The following ARHGAP28 variants were observed in gnomAD, a reference collection of about 807,000 sequenced individuals.
ARHGAP28 encodes the protein Rho GTPase activating protein 28.
Under a neutral mutation model 90.7 loss-of-function variants are expected in ARHGAP28, and 56 were observed. The observed-to-expected ratio is 0.62, with a 90% CI of 0.50 to 0.77. The LOEUF is 0.77. Ranked by LOEUF, ARHGAP28 falls within the 30% of genes least tolerant of loss-of-function variation. The pLI is 0.00. For synonymous variants in ARHGAP28, 308 were observed against 323.3 expected (o/e 0.95, Z 0.51); for missense variants, 869 against 900.9 (o/e 0.96, Z 0.45).
Position 6,899,773 on chromosome 18 carries a change from G to T in ARHGAP28, c.2030+3147G>T, listed in dbSNP as rs547757874. On this transcript the variant is annotated intron_variant, in intron 16 of 17. Coordinates refer to ENST00000383472, the MANE Select transcript of ARHGAP28 (RefSeq NM_001366230.1). ...CACAAATGTCAGTAAGGCCCTGAGG[G>T]AGCTGAGCCTCTTCCCCCAACCACA... 2.0e-5 allele frequency among the ~76,000 whole-genome samples: 3 copies of T among 152,242 alleles called. No individual in the cohort carries two copies. In the South Asian group the frequency reaches 6.2e-4, roughly 32 times the overall value.
chr18:6,875,357 A>G (rs1338066260), intron 9 of ARHGAP28, among the ~76,000 whole-genome samples: 1 of 152,170 alleles, frequency 6.6e-6, no homozygotes, highest in African/African-American at 2.4e-5. Context: ...CTCCATACCT[A>G]GAAGAATTAC....
At chr18:6,827,583 GTGGGGGGCTGACCCCCACCTCCCTC>G (rs2056679438) in intron 2 of ARHGAP28, among the ~76,000 whole-genome samples, 1 of 147,440 alleles carries the variant, frequency 6.8e-6, no homozygotes, top group Non-Finnish European at 1.5e-5. Context: ...GACTGGCTGG[GTGGGGGGCTGACCCCCACCTCCCTC>G]CGAGACGGGG....
At chr18:6,749,436 A>G (rs1277696115) in intron 1 of ARHGAP28, among the ~76,000 whole-genome samples, 1 of 152,192 alleles carries the variant, frequency 6.6e-6, no homozygotes. Context: ...ATCAGTTTAT[A>G]GGACATTTGA....
At chr18:6,844,956 G>A (rs2056855454) in intron 3 of ARHGAP28, among the ~76,000 whole-genome samples, 1 of 152,302 alleles carries the variant, frequency 6.6e-6, no homozygotes, top group East Asian at 1.9e-4. Flanking sequence ...GTCAAAGTGT[G>A]GGGGAAGATG....
At chr18:6,791,361 C>T (rs1314841965) in intron 1 of ARHGAP28, 1 of 152,232 alleles carries the variant, frequency 6.6e-6, no homozygotes, top group Non-Finnish European at 1.5e-5. Flanking sequence ...AGCCCACTGA[C>T]TCAAGTATTA....
intron 4 of ARHGAP28, among the ~76,000 whole-genome samples, chr18:6,856,839 A>G (rs967373481): frequency 2.0e-5 from 3 of 152,202 alleles, no homozygotes; most frequent in African/African-American, 7.2e-5. Context: ...TTGGTTTCCC[A>G]TTTCATATAA....
chr18:6,749,323 A>G (rs1377031603), intron 1 of ARHGAP28, among the ~76,000 whole-genome samples: 1 of 152,174 alleles, frequency 6.6e-6, no homozygotes, highest in Non-Finnish European at 1.5e-5. Flanking sequence ...TCTCCTACAA[A>G]TATTCCTTGG....
chr18:6,849,252 C>CAAAAAAAAAA (rs35080791), intron 3 of ARHGAP28, among the ~76,000 whole-genome samples: 1 of 88,250 alleles, frequency 1.1e-5, no homozygotes, highest in Non-Finnish European at 2.3e-5. Flanking sequence ...GACCTTGTCT[C>CAAAAAAAAAA]AAAAAAAAAA....
chr18:6,829,879 C>T (rs1289800852), intron 2 of ARHGAP28, among the ~76,000 whole-genome samples: 1 of 152,212 alleles, frequency 6.6e-6, no homozygotes, highest in Non-Finnish European at 1.5e-5. Flanking sequence ...AACAGCAGGA[C>T]TAGCAGCCCA....
At chr18:6,756,504 G>C (rs2056111010) in intron 1 of ARHGAP28, among the ~76,000 whole-genome samples, 1 of 152,178 alleles carries the variant, frequency 6.6e-6, no homozygotes, top group Non-Finnish European at 1.5e-5. Context: ...TATTGATCAT[G>C]ATGATTTAAT....
At chr18:6,821,642 A>G (rs1305779482) in intron 1 of ARHGAP28, among the ~76,000 whole-genome samples, 1 of 152,172 alleles carries the variant, frequency 6.6e-6, no homozygotes, top group Admixed American at 6.5e-5. Context: ...TCTTATCCCC[A>G]AAAATGCTGT....
At chr18:6,839,962 G>A (rs1030972642) in intron 3 of ARHGAP28, among the ~76,000 whole-genome samples, 1 of 152,152 alleles carries the variant, frequency 6.6e-6, no homozygotes, top group African/African-American at 2.4e-5. Flanking sequence ...CCACTTTTAA[G>A]CATTCAGATA....
At chr18:6,816,825 C>A (rs1221404813) in intron 1 of ARHGAP28, among the ~76,000 whole-genome samples, 1 of 152,088 alleles carries the variant, frequency 6.6e-6, no homozygotes, top group African/African-American at 2.4e-5. Flanking sequence ...TGGTGGCTCA[C>A]ACCTGTAATC....
At chr18:6,827,129 TC>T (rs1457711304) in intron 2 of ARHGAP28, among the ~76,000 whole-genome samples, 13 of 152,196 alleles carry the variant, frequency 8.5e-5, no homozygotes, top group Non-Finnish European at 1.3e-4. Context: ...CTCAGTCTCT[TC>T]CCCACCTTTC....
chr18:6,891,563 C>T (rs1270843708), intron 14 of ARHGAP28, among the ~76,000 whole-genome samples: 3 of 151,970 alleles, frequency 2.0e-5, no homozygotes, highest in Non-Finnish European at 4.4e-5. Context: ...AGATTACAGG[C>T]ATGAGCCACT....
intron 11 of ARHGAP28, among the ~76,000 whole-genome samples, chr18:6,885,990 A>T (rs2057217919): frequency 6.6e-6 from 1 of 151,968 alleles, no homozygotes; most frequent in South Asian, 2.1e-4. Context: ...GACCTGCGTC[A>T]TTATAAATTT....
At chr18:6,760,733 C>G (rs1022184128) in intron 1 of ARHGAP28, among the ~76,000 whole-genome samples, 2 of 152,128 alleles carry the variant, frequency 1.3e-5, no homozygotes, top group African/African-American at 4.8e-5. Flanking sequence ...CCTTTAAAAC[C>G]TCCATCACCA....
intron 12 of ARHGAP28, among the ~76,000 whole-genome samples, chr18:6,888,977 G>A (rs146658880): frequency 0.033 from 5,015 of 152,172 alleles, 112 homozygotes; most frequent in African/African-American, 0.038. Flanking sequence ...ACTCCACCTC[G>A]GTCTCTTCAT....
chr18:6,757,945 A>G (rs973800134), intron 1 of ARHGAP28, among the ~76,000 whole-genome samples: 1 of 152,210 alleles, frequency 6.6e-6, no homozygotes, highest in Non-Finnish European at 1.5e-5. Flanking sequence ...GTCAAAAGAC[A>G]GCATGGTTTC....
Sources: gnomAD v4.1 joint callset for allele counts (sites outside exome capture counted in the v4.1 genomes callset) on GRCh38, gnomAD v4.1.1 for gene constraint, MANE v1.5 for transcripts, NCBI Gene and HGNC (gene_info 2026-07-23, HGNC 2026-07-21) for gene names.